NHSL1: variants seen among roughly 807,000 people sequenced by gnomAD.
NHSL1 encodes the protein NHS-like protein 1.
In NHSL1, 48 loss-of-function variants were observed where a neutral mutation model predicts 95.0. The observed-to-expected ratio is 0.51, with a 90% CI of 0.40 to 0.64. The LOEUF (loss-of-function observed/expected upper bound fraction) is 0.64, where lower values mean the gene tolerates loss of function less well. NHSL1 is among the 30% of genes least tolerant of loss of function. The pLI, the probability that NHSL1 is intolerant of heterozygous loss-of-function variation, is 0.00. For missense variants in NHSL1, 1,971 were observed against 2,077.7 expected, an observed-to-expected ratio of 0.95 and a Z score of 1.00; for synonymous variants, 783 against 833.9, an observed-to-expected ratio of 0.94 and a Z score of 1.05.
chr6:138,592,055 C>G (rs562756434), intron 1 of NHSL1, among the ~76,000 whole-genome samples: 1 of 152,216 alleles, frequency 6.6e-6, no homozygotes, highest in South Asian at 2.1e-4. Context: ...CTCAATTATT[C>G]CATGACAATA....
Position 138,557,489 on chromosome 6 carries a change from C to T in NHSL1, c.202+14221G>A, listed in dbSNP as rs112042556. Among the ~76,000 whole-genome samples the T allele has an allele frequency of 4.4e-4, 67 of 152,214 alleles. 2 individuals carry two copies. In the East Asian group the frequency reaches 0.011, roughly 24 times the overall value. ...CCAGAGACAGGTGCAAGTACACTGT[C>T]GAAAGAGAAAGGCTTCCAGCAAAAG... On this transcript the variant is annotated intron_variant, in intron 1 of 6. Transcript: ENST00000427025.
At chr6:138,667,380 A>C (rs1183116862) in intron 1 of NHSL1, among the ~76,000 whole-genome samples, 12 of 152,226 alleles carry the variant, frequency 7.9e-5, no homozygotes, top group Admixed American at 7.9e-4. Flanking sequence ...TTTCTACTCT[A>C]CACCAAAACC....
rs2128184247 is a variant in NHSL1, at chr6:138,422,175, A to G, written c.*1906T>C. 6.6e-6 allele frequency: 1 copy of G among 152,336 alleles called. No homozygotes were observed. Among genetic ancestry groups the G allele is most frequent in the East Asian group, 1.9e-4 (1 of 5,184 alleles). 9.4% of individuals were successfully genotyped at this position (152,336 alleles called of 1,614,324 possible). A position where few individuals can be genotyped will look rare whatever the true frequency, so the allele number is the denominator to read the frequency against. ...CTTATCTTTGCATAAATTATGTATT[A>G]TTAAAGGTTTCTGATATCCATATAC... On this transcript the variant is annotated 3_prime_UTR_variant, in exon 8 of 8. Coordinates refer to ENST00000343505, the MANE Select transcript of NHSL1 (RefSeq NM_001144060.2).
At chr6:138,605,210 T>C (rs1438381105) in intron 1 of NHSL1, among the ~76,000 whole-genome samples, 2 of 152,106 alleles carry the variant, frequency 1.3e-5, no homozygotes, top group Non-Finnish European at 2.9e-5. Context: ...ATTTTTCGCA[T>C]GTACTCATCT....
intron 1 of NHSL1, among the ~76,000 whole-genome samples, chr6:138,507,799 T>G (rs1781033426): frequency 6.6e-6 from 1 of 152,000 alleles, no homozygotes; most frequent in Admixed American, 6.6e-5. Context: ...TCTTTAATGA[T>G]GAAACATATG....
intron 1 of NHSL1, among the ~76,000 whole-genome samples, chr6:138,608,488 G>A (rs1784464241): frequency 6.6e-6 from 1 of 152,202 alleles, no homozygotes; most frequent in African/African-American, 2.4e-5. Flanking sequence ...AACTCAATGT[G>A]AACTCAATAA....
intron 3 of NHSL1, among the ~76,000 whole-genome samples, chr6:138,448,392 G>A (rs1777000985): frequency 1.3e-5 from 2 of 152,088 alleles, no homozygotes; most frequent in African/African-American, 2.4e-5. Flanking sequence ...GCATTTAAAC[G>A]GAACTACCAA....
At chr6:138,668,440 T>A (rs530422064) in intron 1 of NHSL1, among the ~76,000 whole-genome samples, 2 of 151,688 alleles carry the variant, frequency 1.3e-5, no homozygotes, top group African/African-American at 2.4e-5. Flanking sequence ...CGAAACTCCA[T>A]CTCAAAAAAA....
chr6:138,501,951 GCATT>G (rs1289554693), upstream of NHSL1, among the ~76,000 whole-genome samples: 1 of 151,958 alleles, frequency 6.6e-6, no homozygotes, highest in African/African-American at 2.4e-5. Flanking sequence ...TTTTATTGCT[GCATT>G]ACTTTTATTG....
intron 2 of NHSL1, among the ~76,000 whole-genome samples, chr6:138,476,188 T>G (rs1010904094): frequency 6.6e-6 from 1 of 152,182 alleles, no homozygotes; most frequent in Admixed American, 6.5e-5. Flanking sequence ...AAAAGATACC[T>G]GCACTCATAT....
chr6:138,456,148 G>T (rs1357813604), intron 3 of NHSL1, among the ~76,000 whole-genome samples: 1 of 152,048 alleles, frequency 6.6e-6, no homozygotes. Flanking sequence ...AGTGAAAGGG[G>T]GTGCAATTAA....
intron 4 of NHSL1, among the ~76,000 whole-genome samples, chr6:138,444,822 ATTCT>A (rs1776758282): frequency 6.6e-6 from 1 of 152,222 alleles, no homozygotes; most frequent in African/African-American, 2.4e-5. Flanking sequence ...AGAAAAACTA[ATTCT>A]TTAAGAAATA....
At chr6:138,435,647 G>A (rs1776030671) in intron 5 of NHSL1, among the ~76,000 whole-genome samples, 3 of 151,616 alleles carry the variant, frequency 2.0e-5, no homozygotes, top group African/African-American at 7.3e-5. Flanking sequence ...GGAAACAGAT[G>A]AATGCTATAG....
At chr6:138,547,850 C>CT (rs1157025710), upstream of NHSL1, among the ~76,000 whole-genome samples, 1 of 152,250 alleles carries the variant, frequency 6.6e-6, no homozygotes, top group East Asian at 1.9e-4. Context: ...GAGTTATTCT[C>CT]TGTCCTCTCC....
chr6:138,556,739 G>C (rs6901151), intron 1 of NHSL1, among the ~76,000 whole-genome samples: 12,791 of 151,952 alleles, frequency 0.084, 517 homozygotes, highest in Middle Eastern at 0.14. Context: ...CATTAATGAG[G>C]CTCAAATATC....
intron 1 of NHSL1, among the ~76,000 whole-genome samples, chr6:138,673,356 C>T (rs148647753): frequency 5.3e-5 from 8 of 151,180 alleles, no homozygotes; most frequent in Non-Finnish European, 1.0e-4. Flanking sequence ...TGTCCTGCCC[C>T]ATTAATATAA....
At chr6:138,484,657 A>T (rs1441834509) in intron 2 of NHSL1, among the ~76,000 whole-genome samples, 2 of 152,148 alleles carry the variant, frequency 1.3e-5, no homozygotes, top group African/African-American at 4.8e-5. Flanking sequence ...ATCTCATTTT[A>T]TGTAGAAGGG....
At chr6:138,574,203 T>C (rs997511301), upstream of NHSL1, among the ~76,000 whole-genome samples, 3 of 152,134 alleles carry the variant, frequency 2.0e-5, no homozygotes. Context: ...GGTGCTGGGA[T>C]TACAGGCGTG....
chr6:138,447,966 T>G (rs1188739024), intron 3 of NHSL1, among the ~76,000 whole-genome samples: 1 of 152,214 alleles, frequency 6.6e-6, no homozygotes, highest in Non-Finnish European at 1.5e-5. Flanking sequence ...CTATTGTTGT[T>G]CAACTATTTG....
Sources: allele counts gnomAD v4.1 joint callset (sites outside exome capture counted in the v4.1 genomes callset), GRCh38; gene constraint gnomAD v4.1.1; transcripts MANE v1.5; gene names NCBI Gene and HGNC (gene_info 2026-07-23, HGNC 2026-07-21).